HSF5: variants seen among roughly 807,000 people sequenced by gnomAD.
HSF5 encodes heat shock transcription factor 5.
In HSF5, 5 loss-of-function variants were observed where a neutral mutation model predicts 50.8. The ratio of observed to expected loss-of-function variants is 0.10; its 90% CI spans 0.05 to 0.21. The LOEUF (loss-of-function observed/expected upper bound fraction) is 0.21. HSF5 is among the 10% of genes least tolerant of loss of function. The probability of loss-of-function intolerance (pLI) is 1.00; values close to 1 mark genes in which losing one functional copy is unlikely to be tolerated. For missense variants in HSF5, 564 were observed against 762.6 expected (o/e 0.74, Z 3.07); for synonymous variants, 307 against 307.4 (o/e 1.00, Z 0.02).
chr17:58,438,885 G>C (rs115959349), intron 5 of HSF5, among the ~76,000 whole-genome samples: 2,337 of 152,150 alleles, frequency 0.015, 63 homozygotes, highest in African/African-American at 0.053. Flanking sequence ...GGGAGGCTAA[G>C]TTGGGAGGAT....
chr17:58,436,503 T>C (rs1598182643), intron 5 of HSF5, among the ~76,000 whole-genome samples: 1 of 152,002 alleles, frequency 6.6e-6, no homozygotes, highest in African/African-American at 2.4e-5. Flanking sequence ...GACTCATCTA[T>C]TAACTGCACT....
At chr17:58,476,510 T>A in intron 2 of HSF5, 2 of 1,210,378 alleles carry the variant, frequency 1.7e-6, no homozygotes, top group Non-Finnish European at 1.2e-6. Context: ...TCACCACTCT[T>A]ATTCAGATGA....
At chr17:58,427,422 C>T (rs1348119077) in intron 5 of HSF5, among the ~76,000 whole-genome samples, 1 of 152,064 alleles carries the variant, frequency 6.6e-6, no homozygotes, top group Non-Finnish European at 1.5e-5. Context: ...TGCTCCTGTT[C>T]AATGTGATAT....
intron 5 of HSF5, among the ~76,000 whole-genome samples, chr17:58,445,964 T>G (rs377005096): frequency 2.0e-5 from 3 of 152,056 alleles, no homozygotes; most frequent in South Asian, 2.1e-4. Context: ...GGCAAAACCC[T>G]GTCTCTATTA....
rs1974236881 is a variant in HSF5 at position 58,422,189 on chromosome 17, T to C, written c.*171A>G. 3.4e-6 allele frequency: 2 copies of C among 585,136 alleles called. No homozygotes were observed. Among genetic ancestry groups the C allele is most frequent in the East Asian group, 2.9e-5 (1 of 34,404 alleles). 36.2% of individuals were successfully genotyped at this position (585,136 alleles called of 1,614,324 possible). A position where few individuals can be genotyped will look rare whatever the true frequency, so the allele number is the denominator to read the frequency against. On this transcript the variant is annotated 3_prime_UTR_variant, in exon 6 of 6. Transcript: ENST00000323777. ...AGGCAGATAATCTGAACTGAACCAC[T>C]GTAGTACATACAAATTCCCAATTCT...
chr17:58,465,417 G>A (rs1177783545), intron 3 of HSF5, among the ~76,000 whole-genome samples: 5 of 151,990 alleles, frequency 3.3e-5, no homozygotes, highest in Non-Finnish European at 4.4e-5. Context: ...AGTATCTCCA[G>A]CATGATCCAG....
At chr17:58,446,617 G>A (rs1417505803) in intron 5 of HSF5, among the ~76,000 whole-genome samples, 3 of 152,154 alleles carry the variant, frequency 2.0e-5, no homozygotes, top group African/African-American at 7.2e-5. Context: ...GATCCACTGT[G>A]GGCTGACTAA....
At chr17:58,436,633 G>A (rs573862827) in intron 5 of HSF5, among the ~76,000 whole-genome samples, 6 of 152,196 alleles carry the variant, frequency 3.9e-5, no homozygotes, top group Admixed American at 3.9e-4. Context: ...TGAAAGAGAG[G>A]AAATTATTTT....
At chr17:58,458,191 CA>C (rs1166314252) in intron 5 of HSF5, among the ~76,000 whole-genome samples, 2 of 152,134 alleles carry the variant, frequency 1.3e-5, no homozygotes, top group East Asian at 3.8e-4. Context: ...ACTATTTCTT[CA>C]AAAAATATGA....
chr17:58,443,229 C>T (rs558344650), intron 5 of HSF5, among the ~76,000 whole-genome samples: 2 of 152,198 alleles, frequency 1.3e-5, no homozygotes, highest in South Asian at 4.2e-4. Context: ...AGGCTGGTCT[C>T]GAACTCCTGA....
intron 5 of HSF5, among the ~76,000 whole-genome samples, chr17:58,448,133 C>CAAAAAAAAAAAAAAAAAAAAAAGGAAA (rs33943640): frequency 1.2e-5 from 1 of 82,040 alleles, no homozygotes; most frequent in Non-Finnish European, 2.3e-5. Flanking sequence ...GAACCTGTCT[C>CAAAAAAAAAAAAAAAAAAAAAAGGAAA]AAAAAAAAAA....
chr17:58,466,115 G>A (rs564821250), intron 3 of HSF5, among the ~76,000 whole-genome samples: 6 of 152,172 alleles, frequency 3.9e-5, no homozygotes, highest in African/African-American at 7.2e-5. Context: ...ATATTCCCAA[G>A]ATATCTCATT....
intron 5 of HSF5, among the ~76,000 whole-genome samples, chr17:58,446,137 C>CAAAAAA (rs575406434): frequency 4.2e-5 from 2 of 47,838 alleles, no homozygotes; most frequent in African/African-American, 7.7e-5. Context: ...AACTCCATCT[C>CAAAAAA]AAAAAAAAAA....
intron 1 of HSF5, among the ~76,000 whole-genome samples, chr17:58,486,773 A>G (rs1208096630): frequency 1.3e-5 from 2 of 152,226 alleles, no homozygotes; most frequent in Non-Finnish European, 2.9e-5. Flanking sequence ...TGATTGTCGT[A>G]GCACTTCTAA....
intron 5 of HSF5, among the ~76,000 whole-genome samples, chr17:58,431,794 GAAACCTGAGGGTGGTTTGACT>G (rs987842149): frequency 2.6e-5 from 4 of 152,170 alleles, no homozygotes; most frequent in Non-Finnish European, 4.4e-5. Flanking sequence ...CTTGCTAAAA[GAAACCTGAGGGTGGTTTGACT>G]TCCCAAATAT....
intron 2 of HSF5, among the ~76,000 whole-genome samples, chr17:58,467,654 G>A (rs1268575320): frequency 6.6e-6 from 1 of 152,240 alleles, no homozygotes; most frequent in African/African-American, 2.4e-5. Context: ...GGTGGTTGTT[G>A]TGATATAAAT....
intron 5 of HSF5, among the ~76,000 whole-genome samples, chr17:58,426,104 C>T (rs781029287): frequency 1.3e-5 from 2 of 152,014 alleles, no homozygotes; most frequent in African/African-American, 4.8e-5. Flanking sequence ...CAGTTGTAAC[C>T]CTACTTTGAA....
At chr17:58,447,363 T>C (rs1321585074) in intron 5 of HSF5, among the ~76,000 whole-genome samples, 1 of 152,166 alleles carries the variant, frequency 6.6e-6, no homozygotes, top group African/African-American at 2.4e-5. Context: ...CCTGAATAAG[T>C]ATCAGTGGCA....
intron 1 of HSF5, among the ~76,000 whole-genome samples, chr17:58,482,948 A>G (rs1310138634): frequency 6.6e-6 from 1 of 151,526 alleles, no homozygotes; most frequent in East Asian, 1.9e-4. Context: ...TTTTAAAAAA[A>G]AAAAAAAAAA....
Sources: gnomAD v4.1 joint callset for allele counts (sites outside exome capture counted in the v4.1 genomes callset) on GRCh38, gnomAD v4.1.1 for gene constraint, MANE v1.5 for transcripts, NCBI Gene and HGNC (gene_info 2026-07-23, HGNC 2026-07-21) for gene names.